HMGN2: variants seen among roughly 807,000 people sequenced by gnomAD.
The protein encoded by HMGN2 is non-histone chromosomal protein HMG-17.
A neutral mutation model predicts 16.9 loss-of-function variants in HMGN2; 2 were observed. The observed-to-expected ratio is 0.12, with a 90% CI of 0.05 to 0.37. The LOEUF (loss-of-function observed/expected upper bound fraction) is 0.37, where lower values mean the gene tolerates loss of function less well. Among genes scored for constraint, HMGN2 ranks in the 10% least tolerant of loss-of-function variants. The pLI is 1.00. For synonymous variants in HMGN2, 31 were observed against 34.9 expected, an observed-to-expected ratio of 0.89 and a Z score of 0.39; for missense variants, 90 against 106.0, an observed-to-expected ratio of 0.85 and a Z score of 0.66.
intron 1 of HMGN2, chr1:26,473,107 G>A (rs1185861169): frequency 1.5e-5 from 4 of 262,438 alleles, no homozygotes. Context: ...GACGCGCGCT[G>A]TCGCCGCCCA....
rs2075589563 is a variant in HMGN2, at chr1:26,473,523, A to T, written c.56A>T (p.Asp19Val). Residue 19 changes from aspartate to valine, a missense_variant, in exon 2 of 6, where the codon GAC becomes GTC. Asp to Val is a radical substitution (Grantham distance 152). Coordinates refer to ENST00000361427, the MANE Select transcript of HMGN2 (RefSeq NM_005517.4). ...DAKGDKAKVK[D>V]EPQRRSARLS... ...AAGGGAGATAAAGCAAAGGTGAAGG[A>T]CGAAGTAAGTCATTCTCTCTTCAAG... The T allele has an allele frequency of 6.2e-7, 1 of 1,612,664 alleles. No homozygotes were observed. Among genetic ancestry groups the T allele is most frequent in the Non-Finnish European group, 8.5e-7 (1 of 1,178,776 alleles).
rs185498393 is a variant in HMGN2, at chr1:26,476,525, T to C, written c.*1377T>C. ...GAACCCCACGTTTCTCTAAGTGAAA[T>C]GGCAAGAAGTTATTTGTTAGAATAT... On this transcript the variant is annotated 3_prime_UTR_variant, in exon 6 of 6. Coordinates refer to ENST00000361427, the MANE Select transcript of HMGN2 (RefSeq NM_005517.4). 2.8e-4 allele frequency among the ~76,000 whole-genome samples: 43 copies of C among 152,284 alleles called. No individual in the cohort carries two copies. In the East Asian group the frequency reaches 6.7e-3, roughly 24 times the overall value.
At chr1:26,474,844 C>T in intron 5 of HMGN2, 177 bp downstream of exon 5, 1 of 621,772 alleles carries the variant, frequency 1.6e-6, no homozygotes, top group Non-Finnish European at 2.9e-6. Context: ...AGCTGAAGGG[C>T]ATTGTGTTTT....
intron 4 of HMGN2, 62 bp downstream of exon 4, chr1:26,474,197 C>T (rs751361327): frequency 1.7e-4 from 205 of 1,239,306 alleles, no homozygotes; most frequent in Non-Finnish European, 2.2e-4. Context: ...AGTGCCTTAA[C>T]TTAATTAGCA....
At chr1:26,474,738 C>A (rs72651510) in intron 5 of HMGN2, 71 bp downstream of exon 5, 163,729 of 760,932 alleles carry the variant, frequency 0.22, 21,564 homozygotes, top group Non-Finnish European at 0.27. Flanking sequence ...AATTTAATTG[C>A]CCTTTTCTTG....
intron 5 of HMGN2, chr1:26,474,880 G>A (rs1210868559): frequency 2.1e-5 from 13 of 609,196 alleles, no homozygotes; most frequent in Non-Finnish European, 3.8e-5. Context: ...TTCAAGCTAG[G>A]AGTAACCTCA....
chr1:26,472,466 C>A lies in HMGN2; in HGVS notation c.-147C>A. On this transcript the variant is annotated 5_prime_UTR_variant, in exon 1 of 6. Transcript: ENST00000361427. ...AAATCCGGTTCTAACCGGTCCGGGG[C>A]TCCCAGCGCTATAAAAACTTTATAA... The A allele has an allele frequency of 1.0e-6, 1 of 967,740 alleles. No homozygotes were observed. Among genetic ancestry groups the A allele is most frequent in the Non-Finnish European group, 1.6e-6 (1 of 639,922 alleles). The allele number at this position is 967,740 out of a possible 1,614,324, so 59.9% of individuals were successfully genotyped here.
rs2075598343 is a variant in HMGN2, at chr1:26,474,924, T to C, written c.238-189T>C. 2.8e-5 allele frequency: 17 copies of C among 614,460 alleles called. No individual in the cohort carries two copies. In the South Asian group the frequency reaches 3.4e-4, roughly 12 times the overall value. 38.1% of individuals were successfully genotyped at this position (614,460 alleles called of 1,614,324 possible). A position where few individuals can be genotyped will look rare whatever the true frequency, so the allele number is the denominator to read the frequency against. On this transcript the variant is annotated intron_variant, in intron 5 of 5. Transcript: ENST00000361427. The stretch of plus-strand genomic sequence containing the variant: ...ATTCTGGTGTTCTTCCTACCTCAAT[T>C]TTACAGTGAGGCCCAGAGGAGAGGT...
Position 26,475,404 on chromosome 1 carries a change from T to C in HMGN2, c.*256T>C. 2 of 373,228 alleles carry C rather than the reference T, an allele frequency of 5.4e-6. No homozygotes were observed. The highest frequency in any genetic ancestry group is 9.7e-6 in the Non-Finnish European group (2 of 205,414). The allele number at this position is 373,228 out of a possible 1,614,324, so 23.1% of individuals were successfully genotyped here. On this transcript the variant is annotated 3_prime_UTR_variant, in exon 6 of 6. Coordinates refer to ENST00000361427, the MANE Select transcript of HMGN2 (RefSeq NM_005517.4). ...TAGTTTTGAGAGACTTCCTCTTGGCTCCCAGGAGGAGGGATTCCCTGACTT... is the reference window on the plus strand; with the variant it reads ...TAGTTTTGAGAGACTTCCTCTTGGCCCCCAGGAGGAGGGATTCCCTGACTT...
At chr1:26,472,764 C>T in intron 1 of HMGN2, 137 bp downstream of exon 1, 2 of 755,574 alleles carry the variant, frequency 2.6e-6, no homozygotes, top group South Asian at 1.9e-5. Flanking sequence ...GAGACGGTGT[C>T]GGGCAGCTCG....
At chr1:26,474,754 CTCCAAATGTACCATTTGG>C in intron 5 of HMGN2, 87 bp downstream of exon 5, 1 of 720,320 alleles carries the variant, frequency 1.4e-6, no homozygotes, top group Non-Finnish European at 2.5e-6. Flanking sequence ...TCTTGTATCA[CTCCAAATGTACCATTTGG>C]TCCAGTGTGC....
intron 4 of HMGN2, among the ~76,000 whole-genome samples, chr1:26,474,358 A>G (rs2445635): frequency 0.39 from 59,508 of 152,058 alleles, 13,751 homozygotes; most frequent in East Asian, 0.78. Context: ...GGTTTAAACT[A>G]ATTTATTCTT....
At position 26,474,583 on chromosome 1, in the gene HMGN2, G is replaced by A. The variant is rs779721198; in HGVS notation, c.153G>A (p.Lys51=). Residue 51 remains lysine (K), a synonymous_variant, in exon 5 of 6, where the codon AAG becomes AAA. Transcript: ENST00000361427. ...TTCCCCTTTTTCAGAAGGGAGAGAA[G>A]GTACCCAAAGGGAAAAAGGGAAAAG... is the stretch of plus-strand genomic sequence containing the variant. ...PKKAPAKKGE[K]VPKGKKGKAD... is the part of the protein sequence containing the mutation. The A allele has an allele frequency of 2.6e-6, 4 of 1,546,262 alleles. No individual in the cohort carries two copies. Among genetic ancestry groups the A allele is most frequent in the Non-Finnish European group, 2.7e-6 (3 of 1,120,622 alleles).
In HMGN2 at chr1:26,475,595, A is replaced by G; in HGVS notation, c.*447A>G. ...TCATTGGTTACCAGTGTGTCAGGCAATCTGGACTTTCCAGTGATGCCACTG... is the reference window on the plus strand; with the variant it reads ...TCATTGGTTACCAGTGTGTCAGGCAGTCTGGACTTTCCAGTGATGCCACTG... On this transcript the variant is annotated 3_prime_UTR_variant, in exon 6 of 6. Coordinates refer to ENST00000361427, the MANE Select transcript of HMGN2 (RefSeq NM_005517.4). 4 of 318,390 alleles carry G rather than the reference A, an allele frequency of 1.3e-5. No individual in the cohort carries two copies. Among genetic ancestry groups the G allele is most frequent in the Non-Finnish European group, 2.5e-5 (4 of 163,080 alleles). 19.7% of individuals were successfully genotyped at this position (318,390 alleles called of 1,614,324 possible).
Position 26,473,645 on chromosome 1 carries a change from C to A in HMGN2, c.61-58C>A, listed in dbSNP as rs1443724322. The A allele has an allele frequency of 3.1e-6, 5 of 1,594,294 alleles. 1 individual carries two copies. Among genetic ancestry groups the A allele is most frequent in the Non-Finnish European group, 8.6e-7 (1 of 1,162,180 alleles). On this transcript the variant is annotated intron_variant, in intron 2 of 5. Transcript: ENST00000361427. ...TCCTATAATCTAGAGCAAATTGATA[C>A]CAAACTTTCAAAGCGACTTACCTGT...
intron 1 of HMGN2, chr1:26,473,181 T>G (rs554906132): frequency 5.4e-5 from 22 of 408,454 alleles, no homozygotes; most frequent in African/African-American, 4.5e-4. Context: ...GCAACGGCGC[T>G]GGGCTCCGCC....
At chr1:26,472,672 ACCG>A (rs759000520) in intron 1 of HMGN2, 45 bp downstream of exon 1, 69 of 1,473,764 alleles carry the variant, frequency 4.7e-5, no homozygotes, top group East Asian at 5.1e-5. Flanking sequence ...CACTGCCGCC[ACCG>A]CCGCCGCCGC....
rs1272869088 is a variant in HMGN2, at chr1:26,475,559, C to A, written c.*411C>A. 1 of 304,530 alleles carries A rather than the reference C, an allele frequency of 3.3e-6. No individual in the cohort carries two copies. Among genetic ancestry groups the A allele is most frequent in the Non-Finnish European group, 6.4e-6 (1 of 155,434 alleles). 18.9% of individuals were successfully genotyped at this position (304,530 alleles called of 1,614,324 possible). ...CTTAAGCCCAGACATCTGTTGAGAC[C>A]TGACCCCTAGTCATTGGTTACCAGT... On this transcript the variant is annotated 3_prime_UTR_variant, in exon 6 of 6. Coordinates refer to ENST00000361427, the MANE Select transcript of HMGN2 (RefSeq NM_005517.4).
intron 3 of HMGN2, 28 bp from the exon 4 acceptor site, chr1:26,474,057 C>T (rs368459804): frequency 2.5e-6 from 4 of 1,601,522 alleles, no homozygotes; most frequent in African/African-American, 1.4e-5. Flanking sequence ...CTGATGTTCA[C>T]TTTTTCCTCT....
Sources: allele counts gnomAD v4.1 joint callset (sites outside exome capture counted in the v4.1 genomes callset), GRCh38; gene constraint gnomAD v4.1.1; transcripts MANE v1.5; gene names NCBI Gene and HGNC (gene_info 2026-07-23, HGNC 2026-07-21).